The following KLF8 variants were observed in gnomAD, a reference collection of about 807,000 sequenced individuals.
The protein encoded by KLF8 is Krueppel-like factor 8.
In KLF8, 10 loss-of-function variants were observed where a neutral mutation model predicts 18.2. The ratio of observed to expected loss-of-function variants is 0.55; its 90% CI spans 0.34 to 0.93. The LOEUF is 0.93. Ranked by LOEUF, KLF8 falls within the 40% of genes least tolerant of loss-of-function variation. The probability of loss-of-function intolerance (pLI) is 0.02; values close to 1 mark genes in which losing one functional copy is unlikely to be tolerated. For synonymous variants in KLF8, 109 were observed against 97.3 expected (o/e 1.12, Z -0.71); for missense variants, 264 against 277.9 (o/e 0.95, Z 0.36).
chrX:56,238,410 G>C (rs901436893), intron 1 of KLF8, among the ~76,000 whole-genome samples: 3 of 110,118 alleles, frequency 2.7e-5, no homozygotes, highest in Non-Finnish European at 5.7e-5. Flanking sequence ...GGGAGGCGGA[G>C]GTTGCAGTGA....
the KLF8 span, among the ~76,000 whole-genome samples, chrX:56,143,581 C>A: frequency 4.5e-5 from 5 of 111,600 alleles, no homozygotes; most frequent in Admixed American, 4.8e-4. Flanking sequence ...AATAGACACC[C>A]TTATTTCATC....
the KLF8 span, among the ~76,000 whole-genome samples, chrX:56,138,442 G>A: frequency 1.2e-3 from 132 of 111,450 alleles, no homozygotes; most frequent in Non-Finnish European, 1.9e-3. Context: ...ACCAAATCCA[G>A]CAGCTACATC....
intron 1 of KLF8, among the ~76,000 whole-genome samples, chrX:56,243,879 G>A (rs1313041232): frequency 9.0e-6 from 1 of 111,551 alleles, no homozygotes. Context: ...CTGCTGAGGT[G>A]CTACAACTGG....
upstream of KLF8, among the ~76,000 whole-genome samples, chrX:56,230,177 A>T (rs1420568899): frequency 2.7e-5 from 3 of 112,552 alleles, no homozygotes; most frequent in Admixed American, 2.8e-4. Context: ...ATTCAGGGCT[A>T]GTAGTGGCTA....
the KLF8 span, among the ~76,000 whole-genome samples, chrX:56,174,492 G>T: frequency 8.7e-4 from 97 of 111,759 alleles, no homozygotes; most frequent in African/African-American, 2.7e-3. Context: ...GCTGGATTAG[G>T]TTTGCCAGTA....
At chrX:56,129,752 T>C in the KLF8 span, among the ~76,000 whole-genome samples, 1 of 111,391 alleles carries the variant, frequency 9.0e-6, no homozygotes, top group Admixed American at 9.5e-5. Flanking sequence ...CTTTCTCAGC[T>C]GGCAGGCTGG....
the KLF8 span, among the ~76,000 whole-genome samples, chrX:55,917,020 G>C: frequency 1.8e-5 from 2 of 112,014 alleles, no homozygotes; most frequent in East Asian, 2.8e-4. Flanking sequence ...AGCTGATCTG[G>C]CTGAAACTAT....
At chrX:56,229,516 T>C (rs999928537), upstream of KLF8, among the ~76,000 whole-genome samples, 3 of 111,839 alleles carry the variant, frequency 2.7e-5, no homozygotes, top group African/African-American at 9.8e-5. Flanking sequence ...AAACTTCTAG[T>C]TCCCCATACC....
the KLF8 span, among the ~76,000 whole-genome samples, chrX:55,916,684 A>G: frequency 9.0e-6 from 1 of 111,701 alleles, no homozygotes; most frequent in Non-Finnish European, 1.9e-5. Context: ...TGCATTTATA[A>G]ATGTAATGCC....
chrX:56,232,001 C>T (rs1489149897), upstream of KLF8, among the ~76,000 whole-genome samples: 1 of 111,058 alleles, frequency 9.0e-6, no homozygotes. Context: ...CCTCGCTGTC[C>T]TTGTTCGTGT....
chrX:56,004,232 G>C, the KLF8 span, among the ~76,000 whole-genome samples: 1 of 112,419 alleles, frequency 8.9e-6, no homozygotes, highest in East Asian at 2.8e-4. Context: ...GTCAATACAT[G>C]TCAAGTGTTT....
chrX:56,048,662 T>A, the KLF8 span, among the ~76,000 whole-genome samples: 2 of 112,069 alleles, frequency 1.8e-5, no homozygotes, highest in African/African-American at 6.5e-5. Context: ...GCTGTTTTGG[T>A]TACTGTAGCC....
intron 2 of KLF8, among the ~76,000 whole-genome samples, chrX:56,263,839 CTTCA>C (rs1483070372): frequency 9.0e-6 from 1 of 111,669 alleles, no homozygotes; most frequent in African/African-American, 3.3e-5. Context: ...TTCAATCAAT[CTTCA>C]TTAAGAAGCT....
the KLF8 span, among the ~76,000 whole-genome samples, chrX:56,072,440 T>A: frequency 3.6e-5 from 4 of 111,871 alleles, no homozygotes; most frequent in African/African-American, 1.3e-4. Context: ...TTTGCAGTCT[T>A]ACTAGTATTG....
At chrX:55,973,085 A>G in the KLF8 span, among the ~76,000 whole-genome samples, 2 of 112,508 alleles carry the variant, frequency 1.8e-5, no homozygotes, top group South Asian at 7.2e-4. Flanking sequence ...TTGATCTTCA[A>G]CAAAATTTCA....
the KLF8 span, among the ~76,000 whole-genome samples, chrX:56,105,988 G>C: frequency 9.0e-6 from 1 of 111,475 alleles, no homozygotes; most frequent in African/African-American, 3.3e-5. Context: ...GCTGAATTTG[G>C]TTGGATGTGA....
intron 1 of KLF8, among the ~76,000 whole-genome samples, chrX:56,243,717 G>A (rs2066583949): frequency 9.2e-6 from 1 of 108,372 alleles, no homozygotes; most frequent in South Asian, 4.1e-4. Context: ...TATATTTTCA[G>A]TAGAGACAGG....
the KLF8 span, among the ~76,000 whole-genome samples, chrX:56,184,965 G>A: frequency 1.8e-5 from 2 of 112,504 alleles, no homozygotes; most frequent in East Asian, 2.8e-4. Flanking sequence ...AAAGCAGAGT[G>A]CCTCTCCTCC....
intron 1 of KLF8, among the ~76,000 whole-genome samples, chrX:56,233,639 T>A (rs950541963): frequency 1.8e-5 from 2 of 111,655 alleles, no homozygotes; most frequent in Non-Finnish European, 3.8e-5. Flanking sequence ...GCACTCCCAA[T>A]ACTCCTTAAG....
Sources: gnomAD v4.1 joint callset for allele counts (sites outside exome capture counted in the v4.1 genomes callset) on GRCh38, gnomAD v4.1.1 for gene constraint, MANE v1.5 for transcripts, NCBI Gene and HGNC (gene_info 2026-07-23, HGNC 2026-07-21) for gene names.